Variants in COBL observed in about 807,000 individuals in gnomAD.
COBL encodes protein cordon-bleu.
In COBL, 51 loss-of-function variants were observed where a neutral mutation model predicts 98.8. The ratio of observed to expected loss-of-function variants is 0.52; its 90% confidence interval spans 0.41 to 0.65. The LOEUF (loss-of-function observed/expected upper bound fraction) is 0.65, where lower values mean the gene tolerates loss of function less well. COBL is among the 30% of genes least tolerant of loss of function. The pLI is 0.00. For missense variants in COBL, 1,617 were observed against 1,617.5 expected (o/e 1.00, Z 0.01); for synonymous variants, 634 against 651.7 (o/e 0.97, Z 0.41).
intron 1 of COBL, among the ~76,000 whole-genome samples, chr7:51,246,618 A>T (rs1796289368): frequency 6.6e-6 from 1 of 152,236 alleles, no homozygotes; most frequent in Non-Finnish European, 1.5e-5. Flanking sequence ...GATCTGGGCC[A>T]TATAACTTCT....
intron 5 of COBL, among the ~76,000 whole-genome samples, chr7:51,158,508 C>A (rs1042050518): frequency 2.6e-5 from 4 of 152,116 alleles, no homozygotes; most frequent in African/African-American, 9.7e-5. Context: ...TGTGACAACC[C>A]TGGAAGAGGA....
At chr7:51,063,415 G>A (rs921982105) in intron 7 of COBL, among the ~76,000 whole-genome samples, 7 of 152,234 alleles carry the variant, frequency 4.6e-5, no homozygotes, top group African/African-American at 7.2e-5. Flanking sequence ...GATTACAGGC[G>A]TGAGCCACTG....
At chr7:51,087,838 TTC>T (rs1794430333) in intron 6 of COBL, among the ~76,000 whole-genome samples, 1 of 151,204 alleles carries the variant, frequency 6.6e-6, no homozygotes, top group Non-Finnish European at 1.5e-5. Context: ...TCCAGCAACT[TTC>T]TGACACAAGA....
At chr7:51,311,650 G>A (rs1380559288) in intron 1 of COBL, among the ~76,000 whole-genome samples, 1 of 152,150 alleles carries the variant, frequency 6.6e-6, no homozygotes, top group Non-Finnish European at 1.5e-5. Context: ...AGAAAGCCAG[G>A]GAGTGGCCCT....
intron 1 of COBL, among the ~76,000 whole-genome samples, chr7:51,244,231 C>T (rs1022186807): frequency 5.3e-5 from 8 of 152,122 alleles, no homozygotes; most frequent in Admixed American, 3.3e-4. Flanking sequence ...AAGAATAGGC[C>T]GCACTCCAAG....
chr7:51,177,949 G>C (rs527924369), intron 5 of COBL, among the ~76,000 whole-genome samples: 2 of 151,936 alleles, frequency 1.3e-5, no homozygotes, highest in Admixed American at 6.6e-5. Flanking sequence ...AGTTTGAGAC[G>C]AGCCTGGCCA....
chr7:51,260,273 A>T, intron 1 of COBL: 1 of 488,894 alleles, frequency 2.0e-6, no homozygotes, highest in Non-Finnish European at 3.6e-6. Flanking sequence ...AAAATAAATT[A>T]TGAAGTGGCT....
rs148455307 is a variant in COBL at position 51,043,355 on chromosome 7, G to A, written c.1406+28C>T. 415 of 1,601,604 alleles carry A rather than the reference G, an allele frequency of 2.6e-4. No homozygotes were observed. The African/African-American group carries it at 4.9e-3, about 19-fold the overall frequency. ...AGACACAGATGTGGCTGTGACTTCCGTACCCACCCATCCTTCCCGTGACTC... is the reference window on the plus strand; with the variant it reads ...AGACACAGATGTGGCTGTGACTTCCATACCCACCCATCCTTCCCGTGACTC... On this transcript the variant is annotated intron_variant, in intron 8 of 12. Coordinates refer to ENST00000265136, the MANE Select transcript of COBL (RefSeq NM_015198.5).
At chr7:51,154,011 C>T (rs912904028) in intron 5 of COBL, among the ~76,000 whole-genome samples, 25 of 152,120 alleles carry the variant, frequency 1.6e-4, no homozygotes, top group African/African-American at 5.3e-4. Flanking sequence ...AGCAGATGGC[C>T]GTGTTCATCG....
intron 5 of COBL, among the ~76,000 whole-genome samples, chr7:51,170,527 ATAT>A (rs200379716): frequency 0.015 from 2,175 of 147,058 alleles, 51 homozygotes; most frequent in African/African-American, 0.051. Flanking sequence ...ATATATATAT[ATAT>A]AAATATATAT....
At chr7:51,207,036 TACAC>T (rs1049345693) in intron 2 of COBL, among the ~76,000 whole-genome samples, 8 of 152,216 alleles carry the variant, frequency 5.3e-5, no homozygotes, top group African/African-American at 1.4e-4. Context: ...CACACACACA[TACAC>T]ACACAAGTCT....
At chr7:51,072,472 T>C (rs1167498341) in intron 7 of COBL, 1 of 152,220 alleles carries the variant, frequency 6.6e-6, no homozygotes, top group African/African-American at 2.4e-5. Context: ...TTATCACATG[T>C]ACAACCCTTG....
At chr7:51,075,002 C>T (rs1276908215) in intron 7 of COBL, among the ~76,000 whole-genome samples, 2 of 152,284 alleles carry the variant, frequency 1.3e-5, no homozygotes, top group East Asian at 1.9e-4. Flanking sequence ...TCAATTATTA[C>T]CGTTAACAAA....
At position 51,043,601 on chromosome 7, in the gene COBL, G is replaced by A; in HGVS notation, c.1188C>T (p.Ser396=). 1 of 1,614,200 alleles carries A rather than the reference G, an allele frequency of 6.2e-7. No homozygotes were observed. The highest frequency in any genetic ancestry group is 8.5e-7 in the Non-Finnish European group (1 of 1,180,044). Residue 396 remains serine (S), a synonymous_variant, in exon 8 of 13, where the codon AGC becomes AGT. Transcript: ENST00000265136. ...SEAEETVSVG[S]CFASEDTTED... The stretch of plus-strand genomic sequence containing the variant: ...CGGTCGTGTCCTCCGACGCAAAACA[G>A]CTGCCAACTGACACGGTCTCCTCCG...
In COBL at chr7:51,064,992, T is replaced by C. The variant is rs184547932; in HGVS notation, c.1096+20174A>G. On this transcript the variant is annotated intron_variant, in intron 7 of 12. Transcript: ENST00000265136. The stretch of plus-strand genomic sequence containing the variant: ...TAGCTGGGAGAAACCAGGGACAATA[T>C]GGCAAGCTTTCAGACAGACAGAATT... The C allele has an allele frequency of 5.8e-5, 35 of 601,846 alleles. No homozygotes were observed. In the East Asian group the frequency reaches 9.3e-4, roughly 16 times the overall value. The allele number at this position is 601,846 out of a possible 1,614,324, so 37.3% of individuals were successfully genotyped here. A position where few individuals can be genotyped will look rare whatever the true frequency, so the allele number is the denominator to read the frequency against.
At chr7:51,258,324 C>G (rs573550507) in intron 1 of COBL, among the ~76,000 whole-genome samples, 1 of 152,276 alleles carries the variant, frequency 6.6e-6, no homozygotes, top group African/African-American at 2.4e-5. Context: ...AATTATGTCC[C>G]TGGGCTTGGT....
At position 51,184,003 on chromosome 7, in the gene COBL, G is replaced by T. The variant is rs556333007; in HGVS notation, c.783+99C>A. ...CTGAAGGAATTAGTATTCTTAAATA[G>T]AATTGTTTAGAAAAGTTCCAGGACA... On this transcript the variant is annotated intron_variant, in intron 5 of 12. Transcript: ENST00000265136. 110 of 562,928 alleles carry T rather than the reference G, an allele frequency of 2.0e-4. 1 individual carries two copies. In the African/African-American group the frequency reaches 2.1e-3, roughly 11 times the overall value. 34.9% of individuals were successfully genotyped at this position (562,928 alleles called of 1,614,324 possible). A position where few individuals can be genotyped will look rare whatever the true frequency, so the allele number is the denominator to read the frequency against.
chr7:51,043,625 C>A lies in COBL; in HGVS notation c.1164G>T (p.Ala388=). 3.1e-6 allele frequency: 5 copies of A among 1,614,198 alleles called. No individual in the cohort carries two copies. The highest frequency in any genetic ancestry group is 4.2e-6 in the Non-Finnish European group (5 of 1,180,038). ...PDGAPQVLSE[A]EETVSVGSCF... is the part of the protein sequence containing the mutation. ...AGCTGCCAACTGACACGGTCTCCTC[C>A]GCCTCTGACAGCACCTGCGGGGCTC... The change falls in exon 8 of 13, where the codon GCG becomes GCT. Residue 388 remains alanine, a synonymous_variant. Coordinates refer to ENST00000265136, the MANE Select transcript of COBL (RefSeq NM_015198.5).
intron 2 of COBL, among the ~76,000 whole-genome samples, chr7:51,218,214 A>G (rs1242047454): frequency 2.6e-5 from 4 of 152,252 alleles, no homozygotes; most frequent in Non-Finnish European, 5.9e-5. Context: ...ATACTTTTGA[A>G]AAATGTATGC....
Sources: allele counts gnomAD v4.1 joint callset (sites outside exome capture counted in the v4.1 genomes callset), GRCh38; gene constraint gnomAD v4.1.1; transcripts MANE v1.5; gene names NCBI Gene and HGNC (gene_info 2026-07-23, HGNC 2026-07-21).